CHD9: variants seen among roughly 807,000 people sequenced by gnomAD.
CHD9 encodes the protein ATP-dependent chromatin remodeler CHD9.
In CHD9, 77 loss-of-function variants were observed where a neutral mutation model predicts 316.1. The ratio of observed to expected loss-of-function variants is 0.24; its 90% confidence interval spans 0.20 to 0.29. CHD9 has a LOEUF of 0.29. CHD9 is among the 10% of genes least tolerant of loss of function. The probability of loss-of-function intolerance (pLI) is 1.00; values close to 1 mark genes in which losing one functional copy is unlikely to be tolerated. For synonymous variants in CHD9, 1,129 were observed against 1,158.3 expected (o/e 0.97, Z 0.51); for missense variants, 2,763 against 3,438.1 (o/e 0.80, Z 4.91).
At chr16:53,236,883 T>C (rs1208907300) in intron 11 of CHD9, among the ~76,000 whole-genome samples, 1 of 151,940 alleles carries the variant, frequency 6.6e-6, no homozygotes, top group African/African-American at 2.4e-5. Context: ...CCTGTAGATA[T>C]TGTGTTTGCC....
At position 53,242,831 on chromosome 16, in the gene CHD9, C is replaced by G; in HGVS notation, c.2878-9C>G. 1 of 1,593,188 alleles carries G rather than the reference C, an allele frequency of 6.3e-7. No individual in the cohort carries two copies. The highest frequency in any genetic ancestry group is 8.5e-7 in the Non-Finnish European group (1 of 1,172,232). On this transcript the variant is annotated splice_polypyrimidine_tract_variant and intron_variant, in intron 12 of 38. Transcript: ENST00000447540. ...ATTCCAGCAAATAATTATATTTGAT[C>G]ATTTCTAGGGGCGTATCATTCGAGG...
Position 53,157,552 on chromosome 16 carries a change from C to G in CHD9, c.1452+11C>G. ...TGTTTACAGCGACAGGTATGTAGCT[C>G]TTTGCTTTTATTTTGGAGATTTGGG... On this transcript the variant is annotated intron_variant, in intron 2 of 38. Transcript: ENST00000447540. The G allele has an allele frequency of 6.3e-7, 1 of 1,589,802 alleles. No individual in the cohort carries two copies. The highest frequency in any genetic ancestry group is 8.6e-7 in the Non-Finnish European group (1 of 1,165,686).
intron 1 of CHD9, among the ~76,000 whole-genome samples, chr16:53,103,098 G>T (rs12932116): frequency 0.42 from 61,975 of 148,738 alleles, 13,732 homozygotes; most frequent in East Asian, 0.58. Flanking sequence ...GCCCGCCTTG[G>T]CCTCCCAAAG....
At chr16:53,249,653 C>G (rs1287545063) in intron 16 of CHD9, among the ~76,000 whole-genome samples, 1 of 152,132 alleles carries the variant, frequency 6.6e-6, no homozygotes, top group Non-Finnish European at 1.5e-5. Context: ...ACCTATACAT[C>G]TGGGAATTCA....
intron 11 of CHD9, 130 bp from the exon 12 acceptor site, chr16:53,238,213 A>T: frequency 1.2e-6 from 1 of 828,038 alleles, no homozygotes; most frequent in Non-Finnish European, 1.8e-6. Flanking sequence ...CCTACCCTGC[A>T]CTTAAGCAAC....
At chr16:53,268,678 C>G (rs902932345) in intron 22 of CHD9, among the ~76,000 whole-genome samples, 9 of 152,146 alleles carry the variant, frequency 5.9e-5, no homozygotes, top group Non-Finnish European at 5.9e-5. Context: ...CTTAGAAATG[C>G]AGAATCTTAG....
At chr16:53,138,036 G>T (rs541722951) in intron 1 of CHD9, among the ~76,000 whole-genome samples, 1 of 152,158 alleles carries the variant, frequency 6.6e-6, no homozygotes, top group South Asian at 2.1e-4. Context: ...GGAAGGAGGG[G>T]GGGAAATATG....
At chr16:53,187,299 G>A (rs552598735) in intron 2 of CHD9, among the ~76,000 whole-genome samples, 1 of 152,256 alleles carries the variant, frequency 6.6e-6, no homozygotes, top group Non-Finnish European at 1.5e-5. Flanking sequence ...CTTGAGGCTA[G>A]GAGTTTGAGA....
chr16:53,130,529 C>T (rs1214726830), intron 1 of CHD9, among the ~76,000 whole-genome samples: 1 of 149,472 alleles, frequency 6.7e-6, no homozygotes, highest in African/African-American at 2.4e-5. Flanking sequence ...CGCGGCCTGA[C>T]GTGGCGGCCG....
chr16:53,130,165 G>A (rs1437732068), intron 1 of CHD9, among the ~76,000 whole-genome samples: 1 of 152,144 alleles, frequency 6.6e-6, no homozygotes. Context: ...GCGGCGTGGA[G>A]CTGGGTCTCC....
chr16:53,199,308 T>A (rs8053429), intron 2 of CHD9, among the ~76,000 whole-genome samples: 47,208 of 151,928 alleles, frequency 0.31, 7,487 homozygotes, highest in Middle Eastern at 0.39. Context: ...TATATCTTAA[T>A]ATCTGATCCT....
intron 2 of CHD9, among the ~76,000 whole-genome samples, chr16:53,191,541 G>A (rs2044479759): frequency 6.6e-6 from 1 of 152,054 alleles, no homozygotes; most frequent in South Asian, 2.1e-4. Context: ...GTAGCCTTTT[G>A]AGTCTGGTTT....
intron 3 of CHD9, among the ~76,000 whole-genome samples, chr16:53,215,875 G>A (rs1032114461): frequency 2.6e-5 from 4 of 152,086 alleles, no homozygotes; most frequent in Non-Finnish European, 5.9e-5. Flanking sequence ...AAACATTGTG[G>A]TTTTCTACTG....
At chr16:53,306,490 G>T (rs2153085768) in intron 32 of CHD9, 93 bp downstream of exon 32, 1 of 1,055,104 alleles carries the variant, frequency 9.5e-7, no homozygotes, top group East Asian at 3.0e-5. Context: ...GGAAACATAG[G>T]TCAGCGTAAA....
At chr16:53,266,439 C>G (rs962705802) in intron 20 of CHD9, among the ~76,000 whole-genome samples, 1 of 152,258 alleles carries the variant, frequency 6.6e-6, no homozygotes, top group South Asian at 2.1e-4. Flanking sequence ...CTTCAGGTCC[C>G]TTGCTCTTTC....
At chr16:53,281,446 A>AT (rs1474306684) in intron 24 of CHD9, among the ~76,000 whole-genome samples, 2 of 152,132 alleles carry the variant, frequency 1.3e-5, no homozygotes, top group Non-Finnish European at 2.9e-5. Flanking sequence ...AGCTGCCATG[A>AT]TCTCACAGTT....
chr16:53,063,392 AC>A (rs2152500826), intron 1 of CHD9, among the ~76,000 whole-genome samples: 1 of 151,944 alleles, frequency 6.6e-6, no homozygotes, highest in Admixed American at 6.6e-5. Flanking sequence ...ACACACACAC[AC>A]ACACACACAA....
intron 16 of CHD9, among the ~76,000 whole-genome samples, chr16:53,248,526 G>GTTTTTTTT (rs542703474): frequency 9.4e-6 from 1 of 105,994 alleles, no homozygotes; most frequent in Non-Finnish European, 1.9e-5. Flanking sequence ...TTTTTTTTTT[G>GTTTTTTTT]TTTTTTTTTT....
intron 1 of CHD9, among the ~76,000 whole-genome samples, chr16:53,117,984 C>G (rs1303116039): frequency 1.3e-5 from 2 of 151,956 alleles, no homozygotes; most frequent in African/African-American, 4.8e-5. Flanking sequence ...CGCCACCACG[C>G]CCAGCTAATT....
Sources: allele counts gnomAD v4.1 joint callset (sites outside exome capture counted in the v4.1 genomes callset), GRCh38; gene constraint gnomAD v4.1.1; transcripts MANE v1.5; gene names NCBI Gene and HGNC (gene_info 2026-07-23, HGNC 2026-07-21).